Variants in SLC39A11 observed in about 807,000 individuals in gnomAD.
The protein encoded by SLC39A11 is zinc transporter ZIP11.
A neutral mutation model predicts 36.1 loss-of-function variants in SLC39A11; 33 were observed. That is an observed-to-expected ratio of 0.91 (90% confidence interval 0.69 to 1.22). The LOEUF (loss-of-function observed/expected upper bound fraction) is 1.22. Ranked by LOEUF, SLC39A11 falls within the 50% of genes most tolerant of loss-of-function variation. SLC39A11 has a pLI of 0.00. For missense variants in SLC39A11, 432 were observed against 430.3 expected, an observed-to-expected ratio of 1.00 and a Z score of -0.03; for synonymous variants, 166 against 170.3, an observed-to-expected ratio of 0.97 and a Z score of 0.20.
chr17:72,918,042 T>C (rs1441675225), intron 5 of SLC39A11, among the ~76,000 whole-genome samples: 1 of 152,220 alleles, frequency 6.6e-6, no homozygotes. Flanking sequence ...GAGCTGAACT[T>C]ACGAGATTCG....
intron 2 of SLC39A11, 116 bp downstream of exon 2, chr17:73,088,541 C>A (rs1308295287): frequency 4.0e-6 from 3 of 754,278 alleles, no homozygotes; most frequent in Non-Finnish European, 6.9e-6. Context: ...TACACAATGC[C>A]TGGGGGTGTG....
intron 6 of SLC39A11, among the ~76,000 whole-genome samples, chr17:72,737,715 T>C (rs536636361): frequency 1.3e-5 from 2 of 152,112 alleles, no homozygotes; most frequent in Non-Finnish European, 2.9e-5. Context: ...TAACAAGTCT[T>C]TGTCTCATTA....
chr17:72,947,767 G>T lies in SLC39A11; in HGVS notation c.415C>A (p.Leu139Ile). Residue 139 changes from leucine to isoleucine, a missense_variant, in exon 5 of 10, where the codon CTT becomes ATT. By Grantham distance (5) the Leu-to-Ile change is conservative. Transcript: ENST00000255559. Reference sequence around the variant, plus strand: ...CCAGCTCTACCTATCCGGATGGAAAGTTCACTCTCAGGGAAGAGCAGCGCG... The same window carrying T: ...CCAGCTCTACCTATCCGGATGGAAATTTCACTCTCAGGGAAGAGCAGCGCG... ...GPALLFPESE[L>I]SIRIDKSENG... 5 of 1,614,124 alleles carry T rather than the reference G, an allele frequency of 3.1e-6. No homozygotes were observed. Among genetic ancestry groups the T allele is most frequent in the Non-Finnish European group, 4.2e-6 (5 of 1,180,048 alleles).
chr17:72,676,097 C>G (rs2071247591), intron 7 of SLC39A11, among the ~76,000 whole-genome samples: 1 of 150,736 alleles, frequency 6.6e-6, no homozygotes, highest in African/African-American at 2.4e-5. Context: ...CACACACACA[C>G]ACACACTTGC....
intron 3 of SLC39A11, among the ~76,000 whole-genome samples, chr17:73,062,748 G>A (rs901836496): frequency 2.6e-5 from 4 of 152,132 alleles, no homozygotes; most frequent in African/African-American, 9.7e-5. Flanking sequence ...CGGATTGGGG[G>A]TGGGGGATGG....
chr17:72,687,464 C>T (rs140271398), intron 7 of SLC39A11, among the ~76,000 whole-genome samples: 9,051 of 152,236 alleles, frequency 0.059, 337 homozygotes, highest in African/African-American at 0.1. Flanking sequence ...AGGATGGTCT[C>T]GATCTCCTGA....
Position 72,900,195 on chromosome 17 carries a change from AAGAAAG to A in SLC39A11, c.430+47551_430+47556del, listed in dbSNP as rs2082305490. Among the ~76,000 whole-genome samples the A allele has an allele frequency of 2.0e-5, 3 of 149,530 alleles. 1 individual carries two copies. Among genetic ancestry groups the A allele is most frequent in the Non-Finnish European group, 4.4e-5 (3 of 67,764 alleles). On this transcript the variant is annotated intron_variant, in intron 5 of 9. Transcript: ENST00000255559. ...AAAGAAAGAAAGAAAGAAAGAAAGA[AAGAAAG>A]AAAGAAAGAAAGAAAGAAAGAAAGA...
At chr17:72,677,635 G>A (rs575435681) in intron 7 of SLC39A11, among the ~76,000 whole-genome samples, 57 of 152,254 alleles carry the variant, frequency 3.7e-4, no homozygotes, top group African/African-American at 1.3e-3. Flanking sequence ...ACCCGAGTGT[G>A]CATCCGAATC....
chr17:72,935,692 C>T (rs1415732845), intron 5 of SLC39A11, among the ~76,000 whole-genome samples: 1 of 152,194 alleles, frequency 6.6e-6, no homozygotes, highest in Non-Finnish European at 1.5e-5. Flanking sequence ...AAGCAATTCT[C>T]CTGCCTCAGC....
chr17:73,065,460 T>A (rs752361558), intron 3 of SLC39A11, among the ~76,000 whole-genome samples: 2 of 152,060 alleles, frequency 1.3e-5, no homozygotes, highest in Admixed American at 1.3e-4. Flanking sequence ...GTTAACAAAA[T>A]CAAGTCATGC....
At chr17:72,663,489 G>A (rs182632641) in intron 7 of SLC39A11, among the ~76,000 whole-genome samples, 15 of 152,256 alleles carry the variant, frequency 9.9e-5, no homozygotes, top group African/African-American at 3.6e-4. Context: ...CTCAATCCTG[G>A]GCTCCTGCTC....
At chr17:72,695,651 G>A (rs764695495) in intron 7 of SLC39A11, among the ~76,000 whole-genome samples, 4 of 152,158 alleles carry the variant, frequency 2.6e-5, no homozygotes, top group Non-Finnish European at 4.4e-5. Context: ...TTAACTTCAG[G>A]AGGTAGAGAT....
intron 4 of SLC39A11, among the ~76,000 whole-genome samples, chr17:72,971,747 G>A (rs1013235264): frequency 1.4e-5 from 2 of 144,140 alleles, no homozygotes; most frequent in Non-Finnish European, 3.0e-5. Flanking sequence ...CACCCCCACA[G>A]TCTACCTACA....
At chr17:72,749,527 G>A (rs1276434213) in intron 6 of SLC39A11, among the ~76,000 whole-genome samples, 1 of 152,232 alleles carries the variant, frequency 6.6e-6, no homozygotes, top group Admixed American at 6.5e-5. Context: ...GAGGACACAG[G>A]ACGAAGGAAG....
intron 4 of SLC39A11, among the ~76,000 whole-genome samples, chr17:72,963,794 T>C (rs1383976182): frequency 6.6e-6 from 1 of 152,150 alleles, no homozygotes; most frequent in Admixed American, 6.5e-5. Context: ...AGGGAAGATA[T>C]CTGTGTTGGC....
chr17:72,774,100 C>T (rs1372999062), intron 6 of SLC39A11, among the ~76,000 whole-genome samples: 1 of 152,240 alleles, frequency 6.6e-6, no homozygotes, highest in African/African-American at 2.4e-5. Flanking sequence ...CACTGAATCA[C>T]TCCTGATTTC....
intron 6 of SLC39A11, among the ~76,000 whole-genome samples, chr17:72,848,499 G>A (rs2079151824): frequency 6.6e-6 from 1 of 152,036 alleles, no homozygotes; most frequent in Non-Finnish European, 1.5e-5. Flanking sequence ...GCAGGTGGAT[G>A]ACCTGAGGTC....
intron 7 of SLC39A11, among the ~76,000 whole-genome samples, chr17:72,674,819 T>C (rs941872667): frequency 3.3e-5 from 5 of 152,162 alleles, no homozygotes; most frequent in Non-Finnish European, 5.9e-5. Context: ...TCTCATCTGC[T>C]TGAGGATGAT....
chr17:72,685,746 A>G (rs572026921), intron 7 of SLC39A11, among the ~76,000 whole-genome samples: 2 of 152,294 alleles, frequency 1.3e-5, no homozygotes, highest in East Asian at 1.9e-4. Context: ...CATCAGATCT[A>G]TCCACAGGTG....
Sources: allele counts gnomAD v4.1 joint callset (sites outside exome capture counted in the v4.1 genomes callset), GRCh38; gene constraint gnomAD v4.1.1; transcripts MANE v1.5; gene names NCBI Gene and HGNC (gene_info 2026-07-23, HGNC 2026-07-21).